Variants in SORCS2 observed in about 807,000 individuals in gnomAD.
The protein encoded by SORCS2 is sortilin related VPS10 domain containing receptor 2.
In SORCS2, 100 loss-of-function variants were observed where a neutral mutation model predicts 141.6. The observed-to-expected ratio is 0.71, with a 90% CI of 0.60 to 0.83. SORCS2 has a LOEUF of 0.83. Ranked by LOEUF, SORCS2 falls within the 40% of genes least tolerant of loss-of-function variation. The pLI is 0.00. For synonymous variants in SORCS2, 789 were observed against 676.9 expected (o/e 1.17, Z -2.57); for missense variants, 1,646 against 1,560.2 (o/e 1.05, Z -0.93).
At chr4:7,245,845 C>T (rs1229793928) in intron 1 of SORCS2, among the ~76,000 whole-genome samples, 1 of 152,166 alleles carries the variant, frequency 6.6e-6, no homozygotes, top group African/African-American at 2.4e-5. Flanking sequence ...GGACAACTCC[C>T]CCTTTACAGA....
At chr4:7,317,181 G>T (rs533617274) in intron 1 of SORCS2, among the ~76,000 whole-genome samples, 1 of 152,174 alleles carries the variant, frequency 6.6e-6, no homozygotes, top group African/African-American at 2.4e-5. Context: ...AGTGTTGAAG[G>T]ATGGGAACCC....
At chr4:7,658,137 G>C (rs1028404520) in intron 5 of SORCS2, among the ~76,000 whole-genome samples, 1 of 152,006 alleles carries the variant, frequency 6.6e-6, no homozygotes, top group African/African-American at 2.4e-5. Flanking sequence ...GTGACTGAGT[G>C]AGTGACTGAG....
chr4:7,409,399 C>G (rs1393674027), intron 2 of SORCS2, among the ~76,000 whole-genome samples: 2 of 152,188 alleles, frequency 1.3e-5, no homozygotes, highest in South Asian at 2.1e-4. Context: ...GAATAAATCT[C>G]CAACAGCATG....
chr4:7,390,197 A>G (rs936530994), intron 1 of SORCS2, among the ~76,000 whole-genome samples: 1 of 152,186 alleles, frequency 6.6e-6, no homozygotes, highest in Non-Finnish European at 1.5e-5. Flanking sequence ...GGCAATCAAC[A>G]CTAAGTTCTT....
At position 7,715,415 on chromosome 4, in the gene SORCS2, C is replaced by G. The variant is rs1198766647; in HGVS notation, c.2252+104C>G. On this transcript the variant is annotated intron_variant, in intron 17 of 26. Transcript: ENST00000507866. ...GCTGGTGCCTGCAGCTCCCAACTCC[C>G]AAGTGGAGTCGGGGAAAGAGAGGTC... is the stretch of plus-strand genomic sequence containing the variant. 2.0e-6 allele frequency: 3 copies of G among 1,501,638 alleles called. No homozygotes were observed. The East Asian group carries it at 7.0e-5, about 35-fold the overall frequency. 93.0% of individuals were successfully genotyped at this position (1,501,638 alleles called of 1,614,324 possible). A position where few individuals can be genotyped will look rare whatever the true frequency, so the allele number is the denominator to read the frequency against.
chr4:7,668,760 A>G (rs755292701), intron 8 of SORCS2, among the ~76,000 whole-genome samples: 27 of 152,192 alleles, frequency 1.8e-4, no homozygotes, highest in Admixed American at 3.3e-4. Context: ...TGTCCCTCTG[A>G]GGTGAGGGAC....
At chr4:7,448,279 G>A (rs1308320682) in intron 2 of SORCS2, among the ~76,000 whole-genome samples, 1 of 152,068 alleles carries the variant, frequency 6.6e-6, no homozygotes, top group African/African-American at 2.4e-5. Flanking sequence ...CATCTCCCAC[G>A]TCACCCAGTG....
At chr4:7,575,998 T>C (rs1715725058) in intron 3 of SORCS2, among the ~76,000 whole-genome samples, 1 of 152,194 alleles carries the variant, frequency 6.6e-6, no homozygotes, top group South Asian at 2.1e-4. Context: ...ATTGATGAAG[T>C]TGGGACTGTC....
chr4:7,565,234 C>T (rs761312016), intron 3 of SORCS2, among the ~76,000 whole-genome samples: 4 of 152,126 alleles, frequency 2.6e-5, no homozygotes, highest in Admixed American at 1.3e-4. Context: ...AACAACTTCC[C>T]CGGCTGACCC....
chr4:7,538,818 G>A (rs1177916785), intron 3 of SORCS2, among the ~76,000 whole-genome samples: 1 of 152,188 alleles, frequency 6.6e-6, no homozygotes, highest in African/African-American at 2.4e-5. Context: ...GTGTTAGTAA[G>A]CACTCAGGAC....
At chr4:7,387,809 C>T (rs1463746773) in intron 1 of SORCS2, among the ~76,000 whole-genome samples, 20 of 143,736 alleles carry the variant, frequency 1.4e-4, no homozygotes, top group East Asian at 4.0e-4. Flanking sequence ...CACATGCACA[C>T]ACAGATACAG....
intron 2 of SORCS2, among the ~76,000 whole-genome samples, chr4:7,485,528 C>T (rs1156391431): frequency 6.6e-6 from 1 of 152,262 alleles, no homozygotes; most frequent in Non-Finnish European, 1.5e-5. Context: ...AAGCCATCTC[C>T]TCTAGCTTCT....
chr4:7,701,611 T>A (rs779733225), intron 12 of SORCS2, among the ~76,000 whole-genome samples: 10 of 152,068 alleles, frequency 6.6e-5, no homozygotes, highest in Non-Finnish European at 1.3e-4. Context: ...TCTGGTGGGG[T>A]TGAGGAGCAT....
intron 2 of SORCS2, chr4:7,431,800 C>CG (rs1253941900): frequency 6.6e-6 from 1 of 152,230 alleles, no homozygotes; most frequent in Non-Finnish European, 1.5e-5. Context: ...GTTCCTGGGG[C>CG]GGTGGCCCAG....
At chr4:7,378,272 G>A (rs750978675) in intron 1 of SORCS2, among the ~76,000 whole-genome samples, 7 of 152,142 alleles carry the variant, frequency 4.6e-5, no homozygotes, top group Non-Finnish European at 7.4e-5. Context: ...GTGTATCATC[G>A]GAGGGGTCCA....
intron 2 of SORCS2, among the ~76,000 whole-genome samples, chr4:7,425,594 G>A (rs1456388784): frequency 6.6e-6 from 1 of 152,204 alleles, no homozygotes; most frequent in Non-Finnish European, 1.5e-5. Flanking sequence ...AACGTCAGAG[G>A]CTTCTGAGCC....
rs79495605 is a variant in SORCS2, at chr4:7,349,275, C to T, written c.481-47013C>T. 6.0e-3 allele frequency among the ~76,000 whole-genome samples: 920 copies of T among 152,326 alleles called. 10 individuals carry two copies. The highest frequency in any genetic ancestry group is 0.021 in the African/African-American group (873 of 41,584). ...CCCTGCCGTAGGGAGCAGAAGGCCC[C>T]TCTGCCCCAGTGATGATTCTGGACG... On this transcript the variant is annotated intron_variant, in intron 1 of 26. Transcript: ENST00000507866.
At chr4:7,567,279 C>T in intron 3 of SORCS2, among the ~76,000 whole-genome samples, 1 of 152,026 alleles carries the variant, frequency 6.6e-6, no homozygotes, top group Non-Finnish European at 1.5e-5. Context: ...TTCAGATTTC[C>T]TTAGTCTTTA....
intron 3 of SORCS2, among the ~76,000 whole-genome samples, chr4:7,576,322 A>G (rs1374661692): frequency 6.6e-6 from 1 of 152,262 alleles, no homozygotes; most frequent in Non-Finnish European, 1.5e-5. Flanking sequence ...TGCATCCTAA[A>G]GATAAGAGCA....
Sources: gnomAD v4.1 joint callset for allele counts (sites outside exome capture counted in the v4.1 genomes callset) on GRCh38, gnomAD v4.1.1 for gene constraint, MANE v1.5 for transcripts, NCBI Gene and HGNC (gene_info 2026-07-23, HGNC 2026-07-21) for gene names.